The following MLXIP variants were observed in gnomAD, a reference collection of about 807,000 sequenced individuals.
The protein encoded by MLXIP is MLX-interacting protein.
MLXIP carries 30 observed loss-of-function variants against 87.2 expected under a neutral mutation model. The observed-to-expected ratio is 0.34, with a 90% confidence interval of 0.26 to 0.47. The LOEUF is 0.47. Ranked by LOEUF, MLXIP falls within the 20% of genes least tolerant of loss-of-function variation. The pLI is 1.00. For synonymous variants in MLXIP, 530 were observed against 514.0 expected (o/e 1.03, Z -0.42); for missense variants, 1,002 against 1,240.1 (o/e 0.81, Z 2.88).
chr12:122,133,545 T>C lies in MLXIP; in HGVS notation c.1290T>C (p.Pro430=). 6.2e-7 allele frequency: 1 copy of C among 1,608,536 alleles called. No individual in the cohort carries two copies. Among genetic ancestry groups the C allele is most frequent in the South Asian group, 1.1e-5 (1 of 90,192 alleles). The change falls in exon 9 of 17, where the codon CCT becomes CCC. Residue 430 remains proline (P), a synonymous_variant. Transcript: ENST00000319080. The surrounding 1 kb of genome is among the most constrained non-coding windows in gnomAD (Gnocchi z 4.9). Reference sequence around the variant, plus strand: ...TGAGTGTCCCGCAGCCCTTCCTCCCTGTCTTCACCATGCCCCTGCTGTCTC... The same window carrying C: ...TGAGTGTCCCGCAGCCCTTCCTCCCCGTCTTCACCATGCCCCTGCTGTCTC... ...PPLSVPQPFL[P]VFTMPLLSPS... is the part of the protein sequence containing the mutation.
intron 1 of MLXIP, among the ~76,000 whole-genome samples, chr12:122,093,752 TGGG>T (rs1952291309): frequency 7.7e-6 from 1 of 130,342 alleles, no homozygotes; most frequent in Admixed American, 7.8e-5. Flanking sequence ...GTGTGTGGTG[TGGG>T]TGTAGTGTGT....
In MLXIP at chr12:122,130,099, T is replaced by C. The variant is rs1353423872; in HGVS notation, c.897T>C (p.Asn299=). The C allele has an allele frequency of 6.2e-7, 1 of 1,613,434 alleles. No individual in the cohort carries two copies. Among genetic ancestry groups the C allele is most frequent in the Non-Finnish European group, 8.5e-7 (1 of 1,179,692 alleles). Residue 299 remains asparagine (N), a synonymous_variant, in exon 6 of 17, where the codon AAT becomes AAC. Transcript: ENST00000319080. ...LSSHQPVAWP[N]PREIAHLGNA... ...CACACCAGCCGGTGGCCTGGCCCAA[T>C]CCCCGGGAAATAGGTAACCCAAACC...
At chr12:122,120,611 A>G (rs1258797110) in intron 1 of MLXIP, among the ~76,000 whole-genome samples, 1 of 152,228 alleles carries the variant, frequency 6.6e-6, no homozygotes, top group Non-Finnish European at 1.5e-5. Context: ...TATTTATTTT[A>G]CTACAAGAAA....
Position 122,144,926 on chromosome 12 carries a change from A to G in MLXIP, c.*3114A>G, listed in dbSNP as rs1953273726. On this transcript the variant is annotated 3_prime_UTR_variant, in exon 17 of 17. Coordinates refer to ENST00000319080, the MANE Select transcript of MLXIP (RefSeq NM_014938.6). ...GAAAAAAATAGAAAATCCAAAAAGA[A>G]AAACCAGAAGGCCTGCTGGCGTATA... 1 of 152,292 alleles carries G rather than the reference A, an allele frequency of 6.6e-6. No individual in the cohort carries two copies. Among genetic ancestry groups the G allele is most frequent in the Admixed American group, 6.5e-5 (1 of 15,278 alleles). 9.4% of individuals were successfully genotyped at this position (152,292 alleles called of 1,614,324 possible).
At chr12:122,083,118 C>T (rs1952115638) in intron 1 of MLXIP, among the ~76,000 whole-genome samples, 1 of 152,172 alleles carries the variant, frequency 6.6e-6, no homozygotes, top group Non-Finnish European at 1.5e-5. Flanking sequence ...TTGTGCCCAG[C>T]CCCCACCTAC....
rs771677004 is a variant in MLXIP at position 122,138,283 on chromosome 12, C to A, written c.2244C>A (p.Asn748Lys). ...ACATGCTCAACAGCCTCATCTCCAA[C>A]AATTCCAAGCTGGTGAGTTGCCAAG... is the stretch of plus-strand genomic sequence containing the variant. ...CFDMLNSLIS[N>K]NSKLTSHAIT... The change falls in exon 13 of 17, where the codon AAC becomes AAA. Residue 748 changes from asparagine to lysine, a missense_variant. Around this residue, in one of 3 missense-constraint regions of MLXIP, gnomAD observed 746 missense variants for 897.0 expected, o/e 0.83. Transcript: ENST00000319080. 1.2e-6 allele frequency: 2 copies of A among 1,613,850 alleles called. No homozygotes were observed. The highest frequency in any genetic ancestry group is 1.7e-6 in the Non-Finnish European group (2 of 1,179,826).
chr12:122,139,001 G>C (rs771758626), intron 15 of MLXIP, 63 bp downstream of exon 15: 6 of 1,598,898 alleles, frequency 3.8e-6, no homozygotes, highest in Non-Finnish European at 4.3e-6. Context: ...GCCACAGACC[G>C]TGGCACTGTA....
chr12:122,141,632 G>A, intron 16 of MLXIP, 59 bp from the exon 17 acceptor site: 1 of 1,593,538 alleles, frequency 6.3e-7, no homozygotes, highest in Non-Finnish European at 8.6e-7. Context: ...ACAAAGCCGA[G>A]TGTGCGGTGT....
intron 1 of MLXIP, among the ~76,000 whole-genome samples, chr12:122,122,918 C>G (rs573005365): frequency 6.6e-6 from 1 of 150,638 alleles, no homozygotes; most frequent in South Asian, 2.1e-4. Flanking sequence ...GTCTGGAACT[C>G]GTGAGCTCAA....
rs978018804 is a variant in MLXIP at position 122,135,541 on chromosome 12, A to G, written c.1907A>G (p.His636Arg). Residue 636 changes from histidine (H) to arginine (R), a missense_variant, in exon 11 of 17, where the codon CAT becomes CGT. Coordinates refer to ENST00000319080, the MANE Select transcript of MLXIP (RefSeq NM_014938.6). The surrounding 1 kb of genome is among the most constrained non-coding windows in gnomAD (Gnocchi z 5.3). ...HSSILVTDLG[H>R]GTSSPPAPVS... Reference sequence around the variant, plus strand: ...AGCATCCTGGTGACAGATCTCGGCCATGGCACGAGCAGCCCGCCTGCCCCC... The same window carrying G: ...AGCATCCTGGTGACAGATCTCGGCCGTGGCACGAGCAGCCCGCCTGCCCCC... 7 of 1,606,004 alleles carry G rather than the reference A, an allele frequency of 4.4e-6. No homozygotes were observed. Among genetic ancestry groups the G allele is most frequent in the Middle Eastern group, 1.6e-4 (1 of 6,072 alleles).
chr12:122,116,828 G>T (rs973245278), intron 1 of MLXIP, among the ~76,000 whole-genome samples: 1 of 152,210 alleles, frequency 6.6e-6, no homozygotes, highest in African/African-American at 2.4e-5. Context: ...CAGAAGGTGG[G>T]CTGGGCCGGG....
chr12:122,090,167 A>G (rs1268658522), intron 1 of MLXIP, among the ~76,000 whole-genome samples: 4 of 152,208 alleles, frequency 2.6e-5, no homozygotes, highest in Non-Finnish European at 5.9e-5. Context: ...ATGCCACAAC[A>G]TGGATGAATC....
chr12:122,093,757 G>GTAGTGTGTGTGTGGTGTGGGTT (rs1952291596), intron 1 of MLXIP, among the ~76,000 whole-genome samples: 1 of 143,644 alleles, frequency 7.0e-6, no homozygotes. Context: ...TGGTGTGGGT[G>GTAGTGTGTGTGTGGTGTGGGTT]TAGTGTGTGT....
At position 122,141,030 on chromosome 12, in the gene MLXIP, G is replaced by A. The variant is rs201761019; in HGVS notation, c.2585G>A (p.Arg862Gln). ...VSTSSLEELHRTALSWLDQHC... is the reference protein window; with the variant it reads ...VSTSSLEELHQTALSWLDQHC... Reference sequence around the variant, plus strand: ...ACCAGCAGCCTGGAGGAGCTGCACCGGACGGCGCTCTCCTGGCTGGACCAG... The same window carrying A: ...ACCAGCAGCCTGGAGGAGCTGCACCAGACGGCGCTCTCCTGGCTGGACCAG... The change falls in exon 16 of 17, where the codon CGG becomes CAG. Residue 862 changes from arginine to glutamine, a missense_variant. Arg to Gln is a conservative substitution (Grantham distance 43). This residue lies in a region of MLXIP where 746 missense variants were observed against 897.0 expected (regional missense o/e 0.83). Coordinates refer to ENST00000319080, the MANE Select transcript of MLXIP (RefSeq NM_014938.6). 212 of 1,613,798 alleles carry A rather than the reference G, an allele frequency of 1.3e-4. No individual in the cohort carries two copies. The highest frequency in any genetic ancestry group is 4.2e-4 in the East Asian group (19 of 44,888).
At chr12:122,113,681 CTTTTTTTTTT>C (rs1173711241) in intron 1 of MLXIP, among the ~76,000 whole-genome samples, 1 of 100,702 alleles carries the variant, frequency 9.9e-6, no homozygotes, top group Non-Finnish European at 1.8e-5. Flanking sequence ...GCCTTCATTT[CTTTTTTTTTT>C]TTTTTTTTTT....
chr12:122,094,385 TGTG>T (rs2135913190), intron 1 of MLXIP, among the ~76,000 whole-genome samples: 1 of 139,454 alleles, frequency 7.2e-6, no homozygotes, highest in East Asian at 2.2e-4. Context: ...GCAGTGTCTG[TGTG>T]GTGTTGGTGT....
At position 122,143,937 on chromosome 12, in the gene MLXIP, G is replaced by C. The variant is rs1383828839; in HGVS notation, c.*2125G>C. 1 of 152,722 alleles carries C rather than the reference G, an allele frequency of 6.5e-6. No individual in the cohort carries two copies. Among genetic ancestry groups the C allele is most frequent in the Non-Finnish European group, 1.5e-5 (1 of 68,092 alleles). The allele number at this position is 152,722 out of a possible 1,614,324, so 9.5% of individuals were successfully genotyped here. The stretch of plus-strand genomic sequence containing the variant: ...CCCAGCGACTGTCCACTGTCCAGGA[G>C]ATGCATGTCTTTGTATTGGAGATAT... On this transcript the variant is annotated 3_prime_UTR_variant, in exon 17 of 17. Coordinates refer to ENST00000319080, the MANE Select transcript of MLXIP (RefSeq NM_014938.6).
intron 9 of MLXIP, chr12:122,134,968 C>T (rs1953058786): frequency 4.7e-6 from 2 of 429,812 alleles, no homozygotes; most frequent in Non-Finnish European, 8.6e-6. Flanking sequence ...GCCATTGCAC[C>T]CAGCCTCTCT....
At chr12:122,106,177 T>C (rs1952516853) in intron 1 of MLXIP, among the ~76,000 whole-genome samples, 1 of 152,202 alleles carries the variant, frequency 6.6e-6, no homozygotes, top group South Asian at 2.1e-4. Flanking sequence ...GGGAAGAGCA[T>C]GGGCCAGAAG....
Sources: gnomAD v4.1 joint callset for allele counts (sites outside exome capture counted in the v4.1 genomes callset) on GRCh38, gnomAD v4.1.1 for gene constraint, gnomAD v4.1.1 regional missense constraint, Gnocchi (gnomAD v3.1) non-coding constraint, MANE v1.5 for transcripts, NCBI Gene and HGNC (gene_info 2026-07-23, HGNC 2026-07-21) for gene names.